The following BTBD9 variants were observed in gnomAD, a reference collection of about 807,000 sequenced individuals.
BTBD9 encodes the protein BTB domain containing 9.
Under a neutral mutation model 64.3 loss-of-function variants are expected in BTBD9, and 49 were observed. The observed-to-expected ratio is 0.76, with a 90% CI of 0.61 to 0.97. BTBD9 has a LOEUF of 0.97. Ranked by LOEUF, BTBD9 falls within the 50% of genes least tolerant of loss-of-function variation. The probability of loss-of-function intolerance (pLI) is 0.00; values close to 1 mark genes in which losing one functional copy is unlikely to be tolerated. For synonymous variants in BTBD9, 260 were observed against 274.7 expected, an observed-to-expected ratio of 0.95 and a Z score of 0.53; for missense variants, 598 against 762.1, an observed-to-expected ratio of 0.78 and a Z score of 2.53.
At chr6:38,279,860 T>C (rs1303099630) in intron 8 of BTBD9, among the ~76,000 whole-genome samples, 2 of 152,242 alleles carry the variant, frequency 1.3e-5, no homozygotes, top group Non-Finnish European at 2.9e-5. Context: ...AAATGTCTTA[T>C]TGATGGGTTA....
intron 6 of BTBD9, among the ~76,000 whole-genome samples, chr6:38,540,203 C>A (rs1449326686): frequency 1.3e-5 from 2 of 152,136 alleles, no homozygotes; most frequent in African/African-American, 2.4e-5. Context: ...TGCTACTGTG[C>A]CAAAGTATCA....
At chr6:38,379,124 T>A (rs769548853) in intron 6 of BTBD9, among the ~76,000 whole-genome samples, 5 of 152,172 alleles carry the variant, frequency 3.3e-5, no homozygotes, top group Non-Finnish European at 4.4e-5. Context: ...GTTTGGATTT[T>A]AACAGGCCAC....
chr6:38,578,677 A>T (rs1409477791), intron 5 of BTBD9, among the ~76,000 whole-genome samples: 1 of 152,212 alleles, frequency 6.6e-6, no homozygotes, highest in Admixed American at 6.5e-5. Context: ...CTGGGTTATC[A>T]GTAACAGAGG....
rs191919705 is a variant in BTBD9 at position 38,519,724 on chromosome 6, A to C, written c.1154+57876T>G. Among the ~76,000 whole-genome samples the C allele has an allele frequency of 6.3e-4, 96 of 152,298 alleles. 1 individual carries two copies. Among genetic ancestry groups the C allele is most frequent in the Non-Finnish European group, 2.9e-4 (20 of 68,020 alleles). On this transcript the variant is annotated intron_variant, in intron 6 of 10. Transcript: ENST00000481247. ...GAAAGAATCAGGAATAAGGAGTGAA[A>C]GAGTTTTGAGTTGTCTGAGTTGTCT... is the stretch of plus-strand genomic sequence containing the variant.
intron 7 of BTBD9, among the ~76,000 whole-genome samples, chr6:38,320,492 G>A (rs767395527): frequency 1.3e-5 from 2 of 152,142 alleles, no homozygotes; most frequent in Non-Finnish European, 2.9e-5. Context: ...GAAAACAGCT[G>A]CTCTTCCCTT....
At chr6:38,633,976 T>C (rs778918926) in intron 1 of BTBD9, among the ~76,000 whole-genome samples, 6 of 152,182 alleles carry the variant, frequency 3.9e-5, no homozygotes, top group African/African-American at 7.2e-5. Context: ...GTGTGCACAT[T>C]CCTTTCCCCA....
At chr6:38,588,450 C>A (rs1776645063) in intron 4 of BTBD9, 3 of 812,682 alleles carry the variant, frequency 3.7e-6, no homozygotes, top group African/African-American at 3.4e-5. Context: ...GTAGCATGAC[C>A]CCTCCTCCAA....
intron 9 of BTBD9, among the ~76,000 whole-genome samples, chr6:38,252,264 T>A (rs989492261): frequency 1.3e-5 from 2 of 152,230 alleles, no homozygotes; most frequent in African/African-American, 4.8e-5. Flanking sequence ...CCATATAATT[T>A]CATTTATAAC....
chr6:38,351,539 T>C (rs535640331), intron 6 of BTBD9, among the ~76,000 whole-genome samples: 63 of 126,906 alleles, frequency 5.0e-4, no homozygotes, highest in African/African-American at 1.6e-3. Context: ...AGATGGAGTC[T>C]CACTTTATAG....
intron 6 of BTBD9, among the ~76,000 whole-genome samples, chr6:38,545,045 G>C (rs1774470980): frequency 6.6e-6 from 1 of 150,872 alleles, no homozygotes; most frequent in Admixed American, 6.6e-5. Context: ...GAACATTCAA[G>C]AAGTTTGACT....
intron 6 of BTBD9, among the ~76,000 whole-genome samples, chr6:38,474,409 G>C (rs535702337): frequency 1.3e-5 from 2 of 152,270 alleles, no homozygotes; most frequent in South Asian, 4.1e-4. Context: ...TATAATCCCA[G>C]CTACTCAGGC....
intron 6 of BTBD9, among the ~76,000 whole-genome samples, chr6:38,555,265 T>C (rs749707080): frequency 3.7e-4 from 56 of 152,322 alleles, no homozygotes; most frequent in Non-Finnish European, 6.6e-4. Flanking sequence ...TTGTTGCTGC[T>C]GTTCGTTACC....
At chr6:38,317,140 T>C (rs1205955654) in intron 7 of BTBD9, among the ~76,000 whole-genome samples, 1 of 151,982 alleles carries the variant, frequency 6.6e-6, no homozygotes, top group African/African-American at 2.4e-5. Flanking sequence ...GGATTACAGA[T>C]GTGCAGCACC....
In BTBD9 at chr6:38,261,984, G is replaced by T. The variant is rs917701693; in HGVS notation, c.1455-5468C>A. ...AGGAATTAAACCCCTTTGTTGATTTGACTGAAAAAAGCAACTGCAGCTGAA... is the reference window on the plus strand; with the variant it reads ...AGGAATTAAACCCCTTTGTTGATTTTACTGAAAAAAGCAACTGCAGCTGAA... On this transcript the variant is annotated intron_variant, in intron 8 of 10. Coordinates refer to ENST00000481247, the MANE Select transcript of BTBD9 (RefSeq NM_001099272.2). Among the ~76,000 whole-genome samples the T allele has an allele frequency of 2.6e-5, 4 of 152,152 alleles. No individual in the cohort carries two copies. The East Asian group carries it at 7.7e-4, about 29-fold the overall frequency.
chr6:38,501,418 G>A (rs1420816267), intron 6 of BTBD9, among the ~76,000 whole-genome samples: 3 of 152,244 alleles, frequency 2.0e-5, no homozygotes, highest in South Asian at 4.1e-4. Context: ...TTCAGATAAG[G>A]GACACTCAAC....
In BTBD9 at chr6:38,408,964, T is replaced by C. The variant is rs981888610; in HGVS notation, c.1155-63871A>G. Among the ~76,000 whole-genome samples, 4 of 152,190 alleles carry C rather than the reference T, an allele frequency of 2.6e-5. No individual in the cohort carries two copies. In the East Asian group the frequency reaches 7.7e-4, roughly 29 times the overall value. On this transcript the variant is annotated intron_variant, in intron 6 of 10. Coordinates refer to ENST00000481247, the MANE Select transcript of BTBD9 (RefSeq NM_001099272.2). ...TAGAAAAAGACCAAAGAGAAATAAT[T>C]GGTGGACAGGCGCAGTGACTCATGC...
chr6:38,239,837 G>T (rs1763932944), intron 9 of BTBD9, among the ~76,000 whole-genome samples: 1 of 152,184 alleles, frequency 6.6e-6, no homozygotes, highest in Non-Finnish European at 1.5e-5. Flanking sequence ...TCAAGGGTCA[G>T]TGGAAAATTA....
chr6:38,340,212 C>T (rs187015465), intron 7 of BTBD9, among the ~76,000 whole-genome samples: 143 of 152,268 alleles, frequency 9.4e-4, no homozygotes, highest in African/African-American at 3.2e-3. Flanking sequence ...GTTCTGTCTA[C>T]TGAAGGTCTA....
chr6:38,186,393 A>C (rs1290069142), intron 10 of BTBD9, among the ~76,000 whole-genome samples: 2 of 152,228 alleles, frequency 1.3e-5, no homozygotes, highest in East Asian at 3.8e-4. Flanking sequence ...GGAGATGCTG[A>C]GATATCTGGT....
Sources: gnomAD v4.1 joint callset for allele counts (sites outside exome capture counted in the v4.1 genomes callset) on GRCh38, gnomAD v4.1.1 for gene constraint, MANE v1.5 for transcripts, NCBI Gene and HGNC (gene_info 2026-07-23, HGNC 2026-07-21) for gene names.